EYA4: variants seen among roughly 807,000 people sequenced by gnomAD.
The protein encoded by EYA4 is EYA transcriptional coactivator and phosphatase 4, also known as protein phosphatase EYA4.
A neutral mutation model predicts 87.9 loss-of-function variants in EYA4; 31 were observed. The ratio of observed to expected loss-of-function variants is 0.35; its 90% CI spans 0.27 to 0.48. The LOEUF (loss-of-function observed/expected upper bound fraction) is 0.48, where lower values mean the gene tolerates loss of function less well. Among genes scored for constraint, EYA4 ranks in the 20% least tolerant of loss-of-function variants. The pLI is 0.99. For missense variants in EYA4, 678 were observed against 761.4 expected (o/e 0.89, Z 1.29); for synonymous variants, 263 against 270.6 (o/e 0.97, Z 0.28).
chr6:133,428,285 A>C (rs769619266), intron 3 of EYA4, among the ~76,000 whole-genome samples: 7 of 152,224 alleles, frequency 4.6e-5, no homozygotes, highest in Non-Finnish European at 7.3e-5. Context: ...ACATAAATCC[A>C]TGTGGAATTT....
chr6:133,480,382 G>T (rs1412864034), intron 11 of EYA4, among the ~76,000 whole-genome samples: 1 of 152,074 alleles, frequency 6.6e-6, no homozygotes, highest in Non-Finnish European at 1.5e-5. Flanking sequence ...TATTTTTATC[G>T]CATTTTGGGG....
chr6:133,392,154 A>G (rs896021264), intron 3 of EYA4, among the ~76,000 whole-genome samples: 2 of 152,070 alleles, frequency 1.3e-5, no homozygotes, highest in South Asian at 2.1e-4. Context: ...TGGCCTCCCT[A>G]TACCCATCCC....
chr6:133,384,026 A>G (rs572507569), intron 3 of EYA4, among the ~76,000 whole-genome samples: 2 of 152,334 alleles, frequency 1.3e-5, no homozygotes, highest in African/African-American at 4.8e-5. Context: ...GGAGTTAGGA[A>G]AAACAGAACA....
intron 1 of EYA4, chr6:133,244,995 C>G (rs1385891601): frequency 6.6e-6 from 1 of 152,086 alleles, no homozygotes; most frequent in Non-Finnish European, 1.5e-5. Flanking sequence ...ATACAGATTT[C>G]AAGAAGAGGG....
chr6:133,378,537 T>C (rs377667532), intron 2 of EYA4, among the ~76,000 whole-genome samples: 40 of 152,186 alleles, frequency 2.6e-4, no homozygotes, highest in African/African-American at 8.7e-4. Flanking sequence ...TCTTCATAGG[T>C]TCTGGTTAAA....
At chr6:133,332,465 G>A (rs6569878) in intron 2 of EYA4, among the ~76,000 whole-genome samples, 59,532 of 151,898 alleles carry the variant, frequency 0.39, 13,560 homozygotes, top group African/African-American at 0.62. Flanking sequence ...TCCTCGGCCT[G>A]CATATTCATT....
chr6:133,270,491 A>G (rs188452883), intron 1 of EYA4, among the ~76,000 whole-genome samples: 1 of 152,324 alleles, frequency 6.6e-6, no homozygotes, highest in East Asian at 1.9e-4. Flanking sequence ...CATGTTTTTA[A>G]CAAAAGAAGG....
At chr6:133,514,506 A>T (rs558462722) in intron 16 of EYA4, among the ~76,000 whole-genome samples, 1 of 152,354 alleles carries the variant, frequency 6.6e-6, no homozygotes, top group East Asian at 1.9e-4. Context: ...TCTCTCTATT[A>T]TAATGAGGAC....
At chr6:133,407,976 T>A (rs1435345240) in intron 3 of EYA4, among the ~76,000 whole-genome samples, 1 of 152,200 alleles carries the variant, frequency 6.6e-6, no homozygotes, top group Non-Finnish European at 1.5e-5. Flanking sequence ...GAAACCTGAC[T>A]TACATTAAGA....
chr6:133,309,427 T>C (rs1249453759), intron 2 of EYA4, among the ~76,000 whole-genome samples: 6 of 152,200 alleles, frequency 3.9e-5, no homozygotes, highest in Admixed American at 3.9e-4. Flanking sequence ...TAGGCAGTTA[T>C]GGCTTCTTAT....
At chr6:133,250,287 G>A (rs759146248) in intron 1 of EYA4, among the ~76,000 whole-genome samples, 1 of 152,144 alleles carries the variant, frequency 6.6e-6, no homozygotes, top group African/African-American at 2.4e-5. Flanking sequence ...CTGGAGATAC[G>A]GTAATTTCAT....
chr6:133,376,493 A>T (rs1419726434), intron 2 of EYA4, among the ~76,000 whole-genome samples: 1 of 151,834 alleles, frequency 6.6e-6, no homozygotes, highest in Non-Finnish European at 1.5e-5. Context: ...TATTCTTTAC[A>T]TTTTTTATTC....
chr6:133,442,825 A>T (rs1354229458), intron 3 of EYA4, among the ~76,000 whole-genome samples: 2 of 152,228 alleles, frequency 1.3e-5, no homozygotes, highest in East Asian at 3.9e-4. Context: ...GAGGAAAAAT[A>T]CTTCTTTTCT....
intron 2 of EYA4, among the ~76,000 whole-genome samples, chr6:133,343,577 C>T (rs1050360475): frequency 6.8e-6 from 1 of 146,204 alleles, no homozygotes; most frequent in African/African-American, 2.5e-5. Context: ...ACCCCCCCCA[C>T]CCACCCCACC....
chr6:133,393,144 C>G (rs1227763973), intron 3 of EYA4, among the ~76,000 whole-genome samples: 2 of 152,120 alleles, frequency 1.3e-5, no homozygotes, highest in African/African-American at 4.8e-5. Context: ...CTTAGAGCAT[C>G]TGTAGTGCAG....
chr6:133,344,116 AT>A (rs76111587), intron 2 of EYA4, among the ~76,000 whole-genome samples: 18,190 of 152,198 alleles, frequency 0.12, 1,387 homozygotes, highest in East Asian at 0.35. Flanking sequence ...AACCCAGAGC[AT>A]TTATAGGAGA....
At chr6:133,505,240 T>C (rs1798493121) in intron 13 of EYA4, among the ~76,000 whole-genome samples, 1 of 152,162 alleles carries the variant, frequency 6.6e-6, no homozygotes, top group Non-Finnish European at 1.5e-5. Context: ...CCCCAAATGC[T>C]CCTTTCTTTT....
At chr6:133,260,190 G>T (rs1775683510) in intron 1 of EYA4, among the ~76,000 whole-genome samples, 1 of 151,064 alleles carries the variant, frequency 6.6e-6, no homozygotes, top group Non-Finnish European at 1.5e-5. Context: ...TTCCTAATTT[G>T]TTGTTGTGGC....
intron 1 of EYA4, among the ~76,000 whole-genome samples, chr6:133,258,745 C>G (rs1775554788): frequency 6.6e-6 from 1 of 151,992 alleles, no homozygotes; most frequent in Admixed American, 6.6e-5. Flanking sequence ...TTTTTAGGTC[C>G]AAGAGCATTT....
Sources: gnomAD v4.1 joint callset for allele counts (sites outside exome capture counted in the v4.1 genomes callset) on GRCh38, gnomAD v4.1.1 for gene constraint, MANE v1.5 for transcripts, NCBI Gene and HGNC (gene_info 2026-07-23, HGNC 2026-07-21) for gene names.